DGKB: variants seen among roughly 807,000 people sequenced by gnomAD.
The protein encoded by DGKB is 90 kDa diacylglycerol kinase.
A neutral mutation model predicts 114.3 loss-of-function variants in DGKB; 67 were observed. That is an observed-to-expected ratio of 0.59 (90% CI 0.48 to 0.72). DGKB has a LOEUF of 0.72. Among genes scored for constraint, DGKB ranks in the 30% least tolerant of loss-of-function variants. DGKB has a pLI of 0.00. For synonymous variants in DGKB, 398 were observed against 323.1 expected (o/e 1.23, Z -2.49); for missense variants, 907 against 975.2 (o/e 0.93, Z 0.93).
intron 20 of DGKB, among the ~76,000 whole-genome samples, chr7:14,522,042 G>A (rs11767890): frequency 0.42 from 64,265 of 151,816 alleles, 14,320 homozygotes; most frequent in East Asian, 0.72. Context: ...TAAGCTTTGC[G>A]TCCTAAGGGT....
intron 21 of DGKB, among the ~76,000 whole-genome samples, chr7:14,455,772 C>A (rs1231222181): frequency 6.6e-6 from 1 of 151,820 alleles, no homozygotes; most frequent in Non-Finnish European, 1.5e-5. Flanking sequence ...GTTTTTAATA[C>A]CCTGAAATTT....
intron 25 of DGKB, among the ~76,000 whole-genome samples, chr7:14,175,675 A>G (rs546499790): frequency 1.8e-4 from 28 of 152,328 alleles, no homozygotes; most frequent in African/African-American, 5.5e-4. Context: ...TTCCTATTGT[A>G]CTTAGAATCA....
chr7:14,865,067 A>C (rs1851513295), intron 1 of DGKB, among the ~76,000 whole-genome samples: 1 of 124,194 alleles, frequency 8.1e-6, no homozygotes, highest in African/African-American at 3.0e-5. Context: ...CCAGAGTTAA[A>C]ATTGTAAAGA....
At chr7:14,315,413 G>C (rs1381671507) in intron 23 of DGKB, among the ~76,000 whole-genome samples, 2 of 150,394 alleles carry the variant, frequency 1.3e-5, no homozygotes, top group Admixed American at 6.6e-5. Context: ...ACACACATGG[G>C]CTCAAAATAA....
At chr7:14,304,377 C>T (rs527268149) in intron 23 of DGKB, among the ~76,000 whole-genome samples, 1 of 152,058 alleles carries the variant, frequency 6.6e-6, no homozygotes, top group South Asian at 2.1e-4. Context: ...CCATTAAGAG[C>T]ATTTTGTTTT....
At chr7:14,684,426 T>C (rs926790951) in intron 10 of DGKB, among the ~76,000 whole-genome samples, 2 of 152,132 alleles carry the variant, frequency 1.3e-5, no homozygotes, top group Admixed American at 6.5e-5. Flanking sequence ...GAGAGATAAA[T>C]TGATGGATTA....
intron 17 of DGKB, among the ~76,000 whole-genome samples, chr7:14,584,959 G>A (rs890303354): frequency 3.9e-5 from 6 of 151,930 alleles, no homozygotes; most frequent in African/African-American, 7.2e-5. Flanking sequence ...CTTGCCGGGC[G>A]AGATGTCTTT....
At chr7:14,347,282 C>T (rs1812641530) in intron 21 of DGKB, among the ~76,000 whole-genome samples, 1 of 151,796 alleles carries the variant, frequency 6.6e-6, no homozygotes, top group Non-Finnish European at 1.5e-5. Flanking sequence ...TTCAAAATAC[C>T]TCAGATAACA....
upstream of DGKB, among the ~76,000 whole-genome samples, chr7:14,903,582 A>G (rs185736465): frequency 1.8e-4 from 28 of 152,254 alleles, no homozygotes; most frequent in African/African-American, 6.7e-4. Context: ...CATCTGCCGA[A>G]GCCACTTCTA....
At chr7:14,459,249 C>CG (rs1420531156) in intron 21 of DGKB, among the ~76,000 whole-genome samples, 1 of 152,032 alleles carries the variant, frequency 6.6e-6, no homozygotes, top group Non-Finnish European at 1.5e-5. Flanking sequence ...GCAGAGCACC[C>CG]GGGGGAAGGG....
intron 9 of DGKB, among the ~76,000 whole-genome samples, chr7:14,686,046 T>C (rs1365818396): frequency 1.3e-5 from 2 of 152,178 alleles, no homozygotes; most frequent in Non-Finnish European, 2.9e-5. Flanking sequence ...AAAATATAAG[T>C]AGTTTTAATC....
intron 14 of DGKB, among the ~76,000 whole-genome samples, chr7:14,629,041 A>T (rs1487498412): frequency 6.6e-6 from 1 of 152,060 alleles, no homozygotes; most frequent in East Asian, 1.9e-4. Context: ...AGATTAACAG[A>T]TCTAAAGAGA....
intron 17 of DGKB, among the ~76,000 whole-genome samples, chr7:14,593,050 C>A (rs77343813): frequency 0.024 from 3,646 of 151,740 alleles, 163 homozygotes; most frequent in African/African-American, 0.084. Flanking sequence ...CTTTATAAAC[C>A]CAGTGTAAAT....
At chr7:14,212,069 T>TA (rs369931538) in intron 23 of DGKB, among the ~76,000 whole-genome samples, 292 of 11,772 alleles carry the variant, frequency 0.025, 64 homozygotes, top group African/African-American at 0.056. Flanking sequence ...TGTTTTGTGA[T>TA]TTTACTCTCA....
At chr7:14,955,009 A>G (rs1358634985) in intron 1 of DGKB, among the ~76,000 whole-genome samples, 1 of 152,088 alleles carries the variant, frequency 6.6e-6, no homozygotes. Context: ...GGAAGAGTAC[A>G]ATAGAGGAGA....
At chr7:14,598,054 A>T (rs1802896423) in intron 17 of DGKB, among the ~76,000 whole-genome samples, 1 of 152,166 alleles carries the variant, frequency 6.6e-6, no homozygotes, top group Non-Finnish European at 1.5e-5. Flanking sequence ...GAAGGAAATT[A>T]TTGTATCAGT....
chr7:14,899,568 G>A (rs1200771636), intron 1 of DGKB, among the ~76,000 whole-genome samples: 1 of 151,986 alleles, frequency 6.6e-6, no homozygotes. Context: ...ATACCTCTCT[G>A]TGTTTAGATC....
At chr7:14,476,279 T>C (rs1563272179) in intron 21 of DGKB, among the ~76,000 whole-genome samples, 1 of 152,096 alleles carries the variant, frequency 6.6e-6, no homozygotes, top group African/African-American at 2.4e-5. Context: ...ATTTGAGGTG[T>C]ATAATCAAGT....
At chr7:14,161,398 G>A (rs1320606409) in intron 25 of DGKB, among the ~76,000 whole-genome samples, 1 of 152,122 alleles carries the variant, frequency 6.6e-6, no homozygotes, top group Non-Finnish European at 1.5e-5. Flanking sequence ...TAATAGCAAA[G>A]ACTTGGAACC....
Sources: gnomAD v4.1 joint callset for allele counts (sites outside exome capture counted in the v4.1 genomes callset) on GRCh38, gnomAD v4.1.1 for gene constraint, MANE v1.5 for transcripts, NCBI Gene and HGNC (gene_info 2026-07-23, HGNC 2026-07-21) for gene names.